PSME2: variants seen among roughly 807,000 people sequenced by gnomAD.
PSME2 encodes proteasome activator complex subunit 2.
In PSME2, 20 loss-of-function variants were observed where a neutral mutation model predicts 38.8. The ratio of observed to expected loss-of-function variants is 0.52; its 90% confidence interval spans 0.36 to 0.75. PSME2 has a LOEUF of 0.75. PSME2 is among the 30% of genes least tolerant of loss of function. The pLI, the probability that PSME2 is intolerant of heterozygous loss-of-function variation, is 0.00. For synonymous variants in PSME2, 82 were observed against 102.5 expected (o/e 0.80, Z 1.21); for missense variants, 227 against 287.6 (o/e 0.79, Z 1.52).
intron 2 of PSME2, 96 bp from the exon 3 acceptor site, chr14:24,145,868 C>G: frequency 7.6e-7 from 1 of 1,309,700 alleles, no homozygotes; most frequent in Admixed American, 1.7e-5. Context: ...TCACTGGGTC[C>G]AAGACTTGCA....
Position 24,146,598 on chromosome 14 carries a change from G to C in PSME2, c.-17C>G, listed in dbSNP as rs750366095. On this transcript the variant is annotated 5_prime_UTR_variant, in exon 1 of 11. It adds an upstream start codon to the 5' untranslated region. Coordinates refer to ENST00000216802, the MANE Select transcript of PSME2 (RefSeq NM_002818.3). ...CTTGGCCATGCTGCTTCAGTCGCTA[G>C]ATCTCTGGTCTCCCGGCTAGTCGCC... 1.2e-6 allele frequency: 2 copies of C among 1,612,732 alleles called. No individual in the cohort carries two copies. Among genetic ancestry groups the C allele is most frequent in the South Asian group, 1.1e-5 (1 of 91,080 alleles).
rs1248382495 is a variant in PSME2 at position 24,143,439 on chromosome 14, TG to T, written c.689del (p.Pro230GlnfsTer?). 6 of 1,614,076 alleles carry T rather than the reference TG, an allele frequency of 3.7e-6. No individual in the cohort carries two copies. Among genetic ancestry groups the T allele is most frequent in the African/African-American group, 1.3e-5 (1 of 74,916 alleles). ...ISSNLEKIVNPKGEEKPSMY is the reference protein window; with the variant it reads ...ISSNLEKIVNXKGEEKPSMY Reference sequence around the variant, plus strand: ...ACATAGATGGCTTTTCTTCACCCTTTGGGTTGACAATTTTCTCCAGGTTGCT... The same window carrying T: ...ACATAGATGGCTTTTCTTCACCCTTTGGTTGACAATTTTCTCCAGGTTGCT... On this transcript the variant is annotated frameshift_variant, in exon 11 of 11. Transcript: ENST00000216802. LOFTEE classifies it high-confidence loss of function. The surrounding 1 kb of genome is among the most constrained non-coding windows in gnomAD (Gnocchi z 4.4).
rs1361297872 is a variant in PSME2, at chr14:24,146,550, C to T, written c.32G>A (p.Gly11Glu). Reference protein sequence around the residue: MAKPCGVRLSGEARKQVEVFR... With the variant: MAKPCGVRLSEEARKQVEVFR... ...CCCCATTACCTGTTTGCGGGCTTCC[C>T]CGCTCAGGCGCACCCCACACGGCTT... is the stretch of plus-strand genomic sequence containing the variant. Residue 11 changes from glycine (G) to glutamate (E), a missense_variant, in exon 1 of 11, where the codon GGG (glycine) becomes GAG (glutamate). By Grantham distance (98) the Gly-to-Glu change is moderately conservative. Coordinates refer to ENST00000216802, the MANE Select transcript of PSME2 (RefSeq NM_002818.3). The T allele has an allele frequency of 2.5e-6, 4 of 1,613,966 alleles. No homozygotes were observed.
chr14:24,145,581 G>A (rs948223032), intron 3 of PSME2, 116 bp from the exon 4 acceptor site: 2 of 1,438,766 alleles, frequency 1.4e-6, no homozygotes, highest in African/African-American at 1.4e-5. Context: ...CATGCCTCAC[G>A]CCATCCTAAT....
chr14:24,144,902 G>A (rs1594369449), intron 6 of PSME2, 156 bp downstream of exon 6: 1 of 752,004 alleles, frequency 1.3e-6, no homozygotes, highest in East Asian at 2.5e-5. Flanking sequence ...AGGTCTAACA[G>A]AACGAGGAGA....
chr14:24,144,587 G>T, intron 6 of PSME2, 119 bp from the exon 7 acceptor site: 1 of 922,976 alleles, frequency 1.1e-6, no homozygotes, highest in Non-Finnish European at 1.7e-6. Flanking sequence ...CAGGTACTGT[G>T]CCATGTATTT....
chr14:24,145,128 T>C lies in PSME2; in HGVS notation c.290A>G (p.Asn97Ser). ...EVHKCGFLPG[N>S]EKVLSLLALV... Reference sequence around the variant, plus strand: ...GGCAAGCAGGGACAGGACTTTCTCATTCCCAGGGAGAAATCCACACTTATG... The same window carrying C: ...GGCAAGCAGGGACAGGACTTTCTCACTCCCAGGGAGAAATCCACACTTATG... The change falls in exon 6 of 11, where the codon AAT becomes AGT. Residue 97 changes from asparagine (N) to serine (S), a missense_variant. By Grantham distance (46) the Asn-to-Ser change is conservative. Transcript: ENST00000216802. 6.2e-7 allele frequency: 1 copy of C among 1,613,636 alleles called. No homozygotes were observed.
intron 4 of PSME2, 53 bp from the exon 5 acceptor site, chr14:24,145,326 G>A: frequency 6.2e-7 from 1 of 1,612,546 alleles, no homozygotes; most frequent in Non-Finnish European, 8.5e-7. Context: ...AGGTTGAAGG[G>A]CTATCTTCTC....
At chr14:24,145,675 C>T in intron 3 of PSME2, 35 bp downstream of exon 3, 1 of 1,595,046 alleles carries the variant, frequency 6.3e-7, no homozygotes, top group South Asian at 1.1e-5. Context: ...GGATAGAGGA[C>T]ATAGGATGGG....
At chr14:24,144,505 A>C (rs1594369172) in intron 6 of PSME2, 37 bp from the exon 7 acceptor site, 3 of 1,569,300 alleles carry the variant, frequency 1.9e-6, no homozygotes, top group East Asian at 2.2e-5. Flanking sequence ...TCATTCAACA[A>C]ACATACTGAG....
chr14:24,144,435 T>A lies in PSME2; in HGVS notation c.394A>T (p.Ile132Phe). Reference sequence around the variant, plus strand: ...ACCCCAAAATCATTTCCATCTTCAATCTTGGGGATCAGGTGTTGGATCCAT... The same window carrying A: ...ACCCCAAAATCATTTCCATCTTCAAACTTGGGGATCAGGTGTTGGATCCAT... ...ITWIQHLIPK[I>F]EDGNDFGVAI... The change falls in exon 7 of 11, where the codon ATT (isoleucine) becomes TTT (phenylalanine). Residue 132 changes from isoleucine (I) to phenylalanine (F), a missense_variant. This residue lies in a region of PSME2 where 48 missense variants were observed against 96.4 expected (regional missense o/e 0.50). Coordinates refer to ENST00000216802, the MANE Select transcript of PSME2 (RefSeq NM_002818.3). The A allele has an allele frequency of 1.2e-6, 2 of 1,613,630 alleles. No individual in the cohort carries two copies. The highest frequency in any genetic ancestry group is 1.7e-6 in the Non-Finnish European group (2 of 1,179,504).
intron 7 of PSME2, 47 bp from the exon 8 acceptor site, chr14:24,144,306 T>G (rs936911904): frequency 1.9e-6 from 3 of 1,611,838 alleles, no homozygotes; most frequent in Admixed American, 3.3e-5. Flanking sequence ...TCCTCCCCAT[T>G]TCATACACTA....
chr14:24,146,390 C>G, intron 1 of PSME2, 144 bp downstream of exon 1: 2 of 1,431,794 alleles, frequency 1.4e-6, no homozygotes, highest in Non-Finnish European at 1.9e-6. Context: ...AGTCAGAAGG[C>G]AGGAATCTGG....
At position 24,144,448 on chromosome 14, in the gene PSME2, G is replaced by A; in HGVS notation, c.381C>T (p.His127=). The change falls in exon 7 of 11, where the codon CAC becomes CAT. Residue 127 remains histidine (H), a synonymous_variant. Transcript: ENST00000216802. The part of the protein sequence containing the change: ...KCILVITWIQ[H]LIPKIEDGND... ...TTCCATCTTCAATCTTGGGGATCAGGTGTTGGATCCATGTAATCACCTGTG... is the reference window on the plus strand; with the variant it reads ...TTCCATCTTCAATCTTGGGGATCAGATGTTGGATCCATGTAATCACCTGTG... 1 of 1,613,140 alleles carries A rather than the reference G, an allele frequency of 6.2e-7. No homozygotes were observed. Among genetic ancestry groups the A allele is most frequent in the East Asian group, 2.2e-5 (1 of 44,886 alleles).
At chr14:24,144,639 T>C in intron 6 of PSME2, 171 bp from the exon 7 acceptor site, 1 of 690,050 alleles carries the variant, frequency 1.4e-6, no homozygotes, top group Non-Finnish European at 2.4e-6. Flanking sequence ...GATATGTATT[T>C]ATTGTACCCA....
In PSME2 at chr14:24,143,369, C is replaced by T. The variant is rs200004054; in HGVS notation, c.*40G>A. On this transcript the variant is annotated 3_prime_UTR_variant, in exon 11 of 11. Coordinates refer to ENST00000216802, the MANE Select transcript of PSME2 (RefSeq NM_002818.3). The surrounding 1 kb of genome is among the most constrained non-coding windows in gnomAD (Gnocchi z 4.4). ...ATGACACACGCCAGAAGGGAATCCA[C>T]ACAACATATAGATCATTTATTTTCC... 7.0e-6 allele frequency: 11 copies of T among 1,573,388 alleles called. No individual in the cohort carries two copies. In the East Asian group the frequency reaches 2.0e-4, roughly 29 times the overall value.
chr14:24,143,491 T>C lies in PSME2; in HGVS notation c.640-2A>G, dbSNP rs1175294339. ...GCTGATGATATGATAAAGCTCAGCC[T>C]GGGAGAAGGCCAGAGTGCAAGAGTC... On this transcript the variant is annotated splice_acceptor_variant, in intron 10 of 10. Coordinates refer to ENST00000216802, the MANE Select transcript of PSME2 (RefSeq NM_002818.3). LOFTEE classifies it high-confidence loss of function. The surrounding 1 kb of genome is among the most constrained non-coding windows in gnomAD (Gnocchi z 4.4). The C allele has an allele frequency of 6.2e-7, 1 of 1,614,180 alleles. No homozygotes were observed. The highest frequency in any genetic ancestry group is 1.3e-5 in the African/African-American group (1 of 75,034).
At chr14:24,146,368 C>G in intron 1 of PSME2, 128 bp from the exon 2 acceptor site, 2 of 1,426,988 alleles carry the variant, frequency 1.4e-6, no homozygotes, top group Non-Finnish European at 2.0e-6. Context: ...CCTGGAAGCT[C>G]CTGCTCACTG....
Position 24,146,259 on chromosome 14 carries a change from C to G in PSME2, c.49-19G>C. The G allele has an allele frequency of 6.2e-7, 1 of 1,613,562 alleles. No homozygotes were observed. Among genetic ancestry groups the G allele is most frequent in the Non-Finnish European group, 8.5e-7 (1 of 1,179,568 alleles). ...CCTCCACCTACACAGAGAGCAGTAC[C>G]CGGATGTTGGTTAAGGGTCTGGGTT... On this transcript the variant is annotated intron_variant, in intron 1 of 10. Transcript: ENST00000216802.
Sources: gnomAD v4.1 joint callset for allele counts on GRCh38, gnomAD v4.1.1 for gene constraint, gnomAD v4.1.1 regional missense constraint, Gnocchi (gnomAD v3.1) non-coding constraint, MANE v1.5 for transcripts, NCBI Gene and HGNC (gene_info 2026-07-23, HGNC 2026-07-21) for gene names.